The following APOD variants were observed in gnomAD, a reference collection of about 807,000 sequenced individuals.
APOD encodes the protein apolipoprotein D, also known as apo-D.
A neutral mutation model predicts 20.4 loss-of-function variants in APOD; 22 were observed. The observed-to-expected ratio is 1.08, with a 90% confidence interval of 0.77 to 1.54. The LOEUF (loss-of-function observed/expected upper bound fraction) is 1.54, where lower values mean the gene tolerates loss of function less well. APOD is among the 40% of genes most tolerant of loss of function. APOD has a pLI of 0.00. For synonymous variants in APOD, 97 were observed against 92.4 expected, an observed-to-expected ratio of 1.05 and a Z score of -0.29; for missense variants, 223 against 229.6, an observed-to-expected ratio of 0.97 and a Z score of 0.19.
At chr3:195,580,869 G>A (rs1388985331) in intron 1 of APOD, among the ~76,000 whole-genome samples, 1 of 152,194 alleles carries the variant, frequency 6.6e-6, no homozygotes, top group Non-Finnish European at 1.5e-5. Flanking sequence ...AGGACTGTGT[G>A]CAGGTTCTGG....
At chr3:195,573,746 C>T (rs1367486666) in intron 3 of APOD, 104 bp downstream of exon 3, 51 of 1,440,008 alleles carry the variant, frequency 3.5e-5, no homozygotes, top group Admixed American at 6.3e-5. Flanking sequence ...CAGGCAGTCC[C>T]GATCCAGCAA....
At chr3:195,575,981 GAA>G (rs1720241597) in intron 2 of APOD, among the ~76,000 whole-genome samples, 1 of 152,160 alleles carries the variant, frequency 6.6e-6, no homozygotes, top group Non-Finnish European at 1.5e-5. Flanking sequence ...GTCAGAACTT[GAA>G]AAGAGAGGAT....
chr3:195,573,194 A>G (rs917839975), intron 3 of APOD, among the ~76,000 whole-genome samples: 2 of 152,242 alleles, frequency 1.3e-5, no homozygotes, highest in Admixed American at 6.5e-5. Flanking sequence ...AAGTCACAAC[A>G]TGTTCATGGA....
At chr3:195,577,109 C>T (rs1480795162) in intron 2 of APOD, 1 of 326,448 alleles carries the variant, frequency 3.1e-6, no homozygotes, top group South Asian at 2.2e-5. Flanking sequence ...ATTGCTTGAA[C>T]CCGGGAGGCG....
At chr3:195,573,424 A>G (rs1720198752) in intron 3 of APOD, among the ~76,000 whole-genome samples, 1 of 152,190 alleles carries the variant, frequency 6.6e-6, no homozygotes. Flanking sequence ...TAAGAAAAGG[A>G]GCTTTCTGAT....
intron 1 of APOD, among the ~76,000 whole-genome samples, chr3:195,580,950 T>G (rs1720328483): frequency 6.6e-6 from 1 of 152,224 alleles, no homozygotes. Flanking sequence ...ACTCCTTGCC[T>G]GTAGCTTGCA....
At chr3:195,575,478 C>T (rs1038831714) in intron 2 of APOD, among the ~76,000 whole-genome samples, 3 of 152,160 alleles carry the variant, frequency 2.0e-5, no homozygotes, top group Non-Finnish European at 4.4e-5. Context: ...TATATATTAT[C>T]TGTAAAATTA....
chr3:195,570,513 C>A (rs1269824083), intron 4 of APOD: 2 of 152,210 alleles, frequency 1.3e-5, no homozygotes, highest in Non-Finnish European at 1.5e-5. Flanking sequence ...TTCCTCTCCT[C>A]CCCGCTCTAG....
At chr3:195,572,700 C>T (rs994996951) in intron 3 of APOD, among the ~76,000 whole-genome samples, 4 of 152,206 alleles carry the variant, frequency 2.6e-5, no homozygotes, top group Admixed American at 2.6e-4. Flanking sequence ...GAAATTAGAG[C>T]AGTCGTATGT....
chr3:195,570,210 CAG>C (rs764425680), intron 4 of APOD, among the ~76,000 whole-genome samples: 1 of 152,200 alleles, frequency 6.6e-6, no homozygotes, highest in Non-Finnish European at 1.5e-5. Flanking sequence ...GAAAAATACT[CAG>C]TTGAGAGTTT....
chr3:195,583,391 A>G (rs1720374312), intron 1 of APOD, among the ~76,000 whole-genome samples: 1 of 152,234 alleles, frequency 6.6e-6, no homozygotes, highest in Non-Finnish European at 1.5e-5. Flanking sequence ...ATTAGGTCTC[A>G]AAGACTCATT....
chr3:195,581,463 C>T (rs569832860), intron 1 of APOD, among the ~76,000 whole-genome samples: 1 of 152,228 alleles, frequency 6.6e-6, no homozygotes, highest in African/African-American at 2.4e-5. Context: ...GATCAAACCT[C>T]AAAGACTGGC....
chr3:195,580,727 T>C (rs904988220), intron 1 of APOD, among the ~76,000 whole-genome samples: 1 of 152,178 alleles, frequency 6.6e-6, no homozygotes, highest in African/African-American at 2.4e-5. Flanking sequence ...TTTTCATAGA[T>C]GAAGTTCATT....
Position 195,569,147 on chromosome 3 carries a change from A to G in APOD, c.335-12T>C. Reference sequence around the variant, plus strand: ...TGCCGATGGCATAACTGAGAACCAGAGAGAGGCAGCATTATTGGAGGGAGA... The same window carrying G: ...TGCCGATGGCATAACTGAGAACCAGGGAGAGGCAGCATTATTGGAGGGAGA... On this transcript the variant is annotated splice_polypyrimidine_tract_variant and intron_variant, in intron 4 of 4. Coordinates refer to ENST00000343267, the MANE Select transcript of APOD (RefSeq NM_001647.4). The G allele has an allele frequency of 6.2e-7, 1 of 1,609,344 alleles. No homozygotes were observed. The highest frequency in any genetic ancestry group is 8.5e-7 in the Non-Finnish European group (1 of 1,175,674).
chr3:195,577,980 T>G (rs1416248289), intron 2 of APOD, among the ~76,000 whole-genome samples: 2 of 151,600 alleles, frequency 1.3e-5, no homozygotes, highest in African/African-American at 4.8e-5. Flanking sequence ...TCGATGGTGG[T>G]GGTGATGGTT....
chr3:195,577,399 A>G (rs1577605366), intron 2 of APOD, among the ~76,000 whole-genome samples: 1 of 152,244 alleles, frequency 6.6e-6, no homozygotes, highest in African/African-American at 2.4e-5. Flanking sequence ...TTAAGATGGC[A>G]GTACTCCCCA....
chr3:195,582,698 C>T (rs1012310102), intron 1 of APOD: 4 of 152,170 alleles, frequency 2.6e-5, no homozygotes, highest in African/African-American at 9.7e-5. Flanking sequence ...GCCAAGATCA[C>T]ACCATTGCAC....
chr3:195,575,368 C>A (rs1034539114), intron 2 of APOD, among the ~76,000 whole-genome samples: 1 of 152,260 alleles, frequency 6.6e-6, no homozygotes, highest in South Asian at 2.1e-4. Flanking sequence ...TTGCAAAAGC[C>A]CTTTTCCCAT....
intron 2 of APOD, among the ~76,000 whole-genome samples, chr3:195,575,529 A>G (rs1720234205): frequency 6.6e-6 from 1 of 152,200 alleles, no homozygotes; most frequent in Non-Finnish European, 1.5e-5. Context: ...GGGGAGGGAA[A>G]CTGAGGTACA....
Sources: allele counts gnomAD v4.1 joint callset (sites outside exome capture counted in the v4.1 genomes callset), GRCh38; gene constraint gnomAD v4.1.1; transcripts MANE v1.5; gene names NCBI Gene and HGNC (gene_info 2026-07-23, HGNC 2026-07-21).